The following ANKRD12 variants were observed in gnomAD, a reference collection of about 807,000 sequenced individuals.
The protein encoded by ANKRD12 is ankyrin repeat domain-containing protein 12.
Under a neutral mutation model 183.4 loss-of-function variants are expected in ANKRD12, and 85 were observed. The ratio of observed to expected loss-of-function variants is 0.46; its 90% CI spans 0.39 to 0.56. The LOEUF (loss-of-function observed/expected upper bound fraction) is 0.56. Ranked by LOEUF, ANKRD12 falls within the 20% of genes least tolerant of loss-of-function variation. The probability of loss-of-function intolerance (pLI) is 0.00; values close to 1 mark genes in which losing one functional copy is unlikely to be tolerated. For synonymous variants in ANKRD12, 914 were observed against 800.2 expected (o/e 1.14, Z -2.40); for missense variants, 2,405 against 2,357.1 (o/e 1.02, Z -0.42).
intron 4 of ANKRD12, among the ~76,000 whole-genome samples, chr18:9,205,580 G>T (rs546845882): frequency 3.3e-5 from 5 of 152,004 alleles, no homozygotes; most frequent in Admixed American, 1.3e-4. Flanking sequence ...GTGGAATTAG[G>T]CATGCTTTTC....
At position 9,254,564 on chromosome 18, in the gene ANKRD12, G is replaced by A. The variant is rs1180811587; in HGVS notation, c.1297G>A (p.Ala433Thr). The change falls in exon 9 of 13, where the codon GCT becomes ACT. Residue 433 changes from alanine (A) to threonine (T), a missense_variant. This residue lies in a region of ANKRD12 where 1,983 missense variants were observed against 1,725.9 expected (regional missense o/e 1.15). Transcript: ENST00000262126. ...AAGTACTGAAAGTTCTGATGAAGAA[G>A]CTCTTCAGAATAAAAAGATTTCTAC... Reference protein sequence around the residue: ...YSSTESSDEEALQNKKISTSC... With the variant: ...YSSTESSDEETLQNKKISTSC... The A allele has an allele frequency of 6.4e-7, 1 of 1,560,916 alleles. No homozygotes were observed. Among genetic ancestry groups the A allele is most frequent in the East Asian group, 2.3e-5 (1 of 44,038 alleles).
intron 10 of ANKRD12, among the ~76,000 whole-genome samples, chr18:9,271,753 ATGAC>A (rs2039615459): frequency 1.3e-5 from 2 of 152,208 alleles, no homozygotes; most frequent in Admixed American, 6.5e-5. Flanking sequence ...ATTTCTATGA[ATGAC>A]AAAGCTGCAG....
chr18:9,138,101 G>A (rs1004059417), intron 1 of ANKRD12, among the ~76,000 whole-genome samples: 10 of 152,220 alleles, frequency 6.6e-5, no homozygotes, highest in Admixed American at 5.2e-4. Context: ...TAATCCTAAA[G>A]TTGAAATGAG....
In ANKRD12 at chr18:9,256,356, G is replaced by A. The variant is rs772830676; in HGVS notation, c.3089G>A (p.Arg1030Gln). Residue 1030 changes from arginine to glutamine, a missense_variant, in exon 9 of 13, where the codon CGA (arginine) becomes CAA (glutamine). Transcript: ENST00000262126. The stretch of plus-strand genomic sequence containing the variant: ...AAAGATATAGATAGATACAAAGAAC[G>A]AGACAAACATAAAGATAAAATTCAA... ...KDKDIDRYKERDKHKDKIQIN... is the reference protein window; with the variant it reads ...KDKDIDRYKEQDKHKDKIQIN... The A allele has an allele frequency of 6.9e-6, 11 of 1,596,238 alleles. No individual in the cohort carries two copies. Among genetic ancestry groups the A allele is most frequent in the Non-Finnish European group, 8.5e-6 (10 of 1,172,220 alleles).
chr18:9,259,892 GTATAT>G (rs2038866408), intron 9 of ANKRD12: 1 of 152,072 alleles, frequency 6.6e-6, no homozygotes, highest in African/African-American at 2.4e-5. Flanking sequence ...GGTTGAAATA[GTATAT>G]GCTAAAGCCC....
intron 1 of ANKRD12, among the ~76,000 whole-genome samples, chr18:9,144,110 G>C (rs1403343406): frequency 6.6e-6 from 1 of 151,996 alleles, no homozygotes; most frequent in Non-Finnish European, 1.5e-5. Flanking sequence ...ACTGTGACTT[G>C]ACACATCATA....
Position 9,254,276 on chromosome 18 carries a change from A to G in ANKRD12, c.1009A>G (p.Lys337Glu), listed in dbSNP as rs1183449309. 1 of 1,609,760 alleles carries G rather than the reference A, an allele frequency of 6.2e-7. No individual in the cohort carries two copies. Among genetic ancestry groups the G allele is most frequent in the African/African-American group, 1.3e-5 (1 of 74,706 alleles). The change falls in exon 9 of 13, where the codon AAA becomes GAA. Residue 337 changes from lysine (K) to glutamate (E), a missense_variant. By Grantham distance (56) the Lys-to-Glu change is moderately conservative. Transcript: ENST00000262126. ...TGAAAATATTGACTCTGAAACAGAGAAAGACTCTCTCATCTGTGAAAGTAA... is the reference window on the plus strand; with the variant it reads ...TGAAAATATTGACTCTGAAACAGAGGAAGACTCTCTCATCTGTGAAAGTAA... ...VDENIDSETE[K>E]DSLICESKQI... is the part of the protein sequence containing the mutation.
chr18:9,150,857 A>G (rs1442582587), intron 1 of ANKRD12, among the ~76,000 whole-genome samples: 1 of 151,954 alleles, frequency 6.6e-6, no homozygotes, highest in Non-Finnish European at 1.5e-5. Flanking sequence ...GTTTCACCAT[A>G]TTAGCCAGGA....
At chr18:9,152,933 T>TACAAAA (rs2078729823) in intron 1 of ANKRD12, among the ~76,000 whole-genome samples, 1 of 151,950 alleles carries the variant, frequency 6.6e-6, no homozygotes, top group Non-Finnish European at 1.5e-5. Context: ...TTGTATGAAA[T>TACAAAA]AGACTTATTA....
intron 9 of ANKRD12, 135 bp downstream of exon 9, chr18:9,259,066 A>T (rs1452194775): frequency 5.7e-6 from 6 of 1,054,570 alleles, no homozygotes; most frequent in Middle Eastern, 2.4e-4. Flanking sequence ...GTCGAGATAT[A>T]AAGCTAGTAA....
At chr18:9,155,560 A>G (rs2030284696) in intron 1 of ANKRD12, among the ~76,000 whole-genome samples, 1 of 152,244 alleles carries the variant, frequency 6.6e-6, no homozygotes, top group Admixed American at 6.5e-5. Flanking sequence ...CAAGGAGAAT[A>G]TATCCCAATT....
intron 2 of ANKRD12, among the ~76,000 whole-genome samples, chr18:9,185,712 A>T (rs1398702691): frequency 6.6e-6 from 1 of 152,216 alleles, no homozygotes; most frequent in African/African-American, 2.4e-5. Flanking sequence ...AGGAATTCAA[A>T]TATTTTAGGA....
At chr18:9,139,268 A>G (rs368953269) in intron 1 of ANKRD12, among the ~76,000 whole-genome samples, 1 of 152,200 alleles carries the variant, frequency 6.6e-6, no homozygotes, top group African/African-American at 2.4e-5. Flanking sequence ...TTTGCAGACT[A>G]GTGTCCAGCT....
At chr18:9,193,908 G>T (rs944294338) in intron 2 of ANKRD12, among the ~76,000 whole-genome samples, 6 of 152,152 alleles carry the variant, frequency 3.9e-5, no homozygotes, top group African/African-American at 1.2e-4. Context: ...TATCAATTTG[G>T]ATGTTTTGAT....
intron 11 of ANKRD12, among the ~76,000 whole-genome samples, chr18:9,278,206 C>T (rs1025585290): frequency 1.3e-5 from 2 of 152,156 alleles, no homozygotes; most frequent in African/African-American, 4.8e-5. Context: ...TGTTATCCAC[C>T]CTTTTACAGC....
chr18:9,232,571 T>C (rs2037114959), intron 8 of ANKRD12, among the ~76,000 whole-genome samples: 1 of 152,212 alleles, frequency 6.6e-6, no homozygotes, highest in South Asian at 2.1e-4. Flanking sequence ...TTATTGACTT[T>C]AGACAGTTGG....
In ANKRD12 at chr18:9,256,719, C is replaced by T. The variant is rs779223662; in HGVS notation, c.3452C>T (p.Thr1151Ile). ...AGTTCAGAAGTGACTGATGCATATA[C>T]CAAGGAGAAACAACCTAAAGATGCT... is the stretch of plus-strand genomic sequence containing the variant. Reference protein sequence around the residue: ...SKSSEVTDAYTKEKQPKDAVS... With the variant: ...SKSSEVTDAYIKEKQPKDAVS... Residue 1151 changes from threonine (T) to isoleucine (I), a missense_variant, in exon 9 of 13, where the codon ACC (threonine) becomes ATC (isoleucine). By Grantham distance (89) the Thr-to-Ile change is moderately conservative (BLOSUM62 -1). Transcript: ENST00000262126. The T allele has an allele frequency of 6.2e-6, 10 of 1,611,786 alleles. No homozygotes were observed. The South Asian group carries it at 6.6e-5, about 11-fold the overall frequency.
At position 9,255,599 on chromosome 18, in the gene ANKRD12, C is replaced by G. The variant is rs1261766869; in HGVS notation, c.2332C>G (p.Pro778Ala). The G allele has an allele frequency of 6.4e-7, 1 of 1,568,302 alleles. No individual in the cohort carries two copies. The highest frequency in any genetic ancestry group is 1.2e-5 in the South Asian group (1 of 81,928). The change falls in exon 9 of 13, where the codon CCC becomes GCC. Residue 778 changes from proline to alanine, a missense_variant. Pro to Ala is a conservative substitution (Grantham distance 27). Transcript: ENST00000262126. ...TCTAAAAGAAGAGAGAGAAAACATA[C>G]CCACAGATAAAGACTCAGAATTTAC... ...KDLKEERENIPTDKDSEFTSL... is the reference protein window; with the variant it reads ...KDLKEERENIATDKDSEFTSL...
intron 10 of ANKRD12, among the ~76,000 whole-genome samples, chr18:9,265,017 C>T (rs1478205502): frequency 6.6e-6 from 1 of 152,254 alleles, no homozygotes; most frequent in Non-Finnish European, 1.5e-5. Flanking sequence ...CCCACGGAGC[C>T]TCGCTCATTG....
Sources: gnomAD v4.1 joint callset for allele counts (sites outside exome capture counted in the v4.1 genomes callset) on GRCh38, gnomAD v4.1.1 for gene constraint, gnomAD v4.1.1 regional missense constraint, MANE v1.5 for transcripts, NCBI Gene and HGNC (gene_info 2026-07-23, HGNC 2026-07-21) for gene names.